IRAK2: variants seen among roughly 807,000 people sequenced by gnomAD.
The protein encoded by IRAK2 is interleukin-1 receptor-associated kinase-like 2.
In IRAK2, 57 loss-of-function variants were observed where a neutral mutation model predicts 72.0. The observed-to-expected ratio is 0.79, with a 90% CI of 0.64 to 0.99. The LOEUF (loss-of-function observed/expected upper bound fraction) is 0.99. Ranked by LOEUF, IRAK2 falls within the 50% of genes least tolerant of loss-of-function variation. IRAK2 has a pLI of 0.00. For synonymous variants in IRAK2, 293 were observed against 312.7 expected (o/e 0.94, Z 0.67); for missense variants, 790 against 794.4 (o/e 0.99, Z 0.07).
intron 2 of IRAK2, among the ~76,000 whole-genome samples, chr3:10,187,414 G>A (rs1047804222): frequency 1.3e-5 from 2 of 152,186 alleles, no homozygotes; most frequent in African/African-American, 2.4e-5. Flanking sequence ...ACAGGAAGGC[G>A]GAATACTGCC....
At chr3:10,167,784 T>C in intron 1 of IRAK2, among the ~76,000 whole-genome samples, 1 of 152,196 alleles carries the variant, frequency 6.6e-6, no homozygotes, top group Non-Finnish European at 1.5e-5. Context: ...TATCAGTTGT[T>C]GGGCATTGGG....
chr3:10,174,229 T>C (rs1696839118), intron 1 of IRAK2, among the ~76,000 whole-genome samples: 1 of 152,204 alleles, frequency 6.6e-6, no homozygotes, highest in Non-Finnish European at 1.5e-5. Context: ...GGGTTTCCAG[T>C]GACTAACATA....
At chr3:10,207,571 T>C (rs1463798608) in intron 3 of IRAK2, among the ~76,000 whole-genome samples, 7 of 152,028 alleles carry the variant, frequency 4.6e-5, no homozygotes. Flanking sequence ...GCCTCATTAG[T>C]CTTCAGATTA....
In IRAK2 at chr3:10,226,376, G is replaced by C. The variant is rs1166046823; in HGVS notation, c.1215G>C (p.Leu405Phe). 1 of 1,613,438 alleles carries C rather than the reference G, an allele frequency of 6.2e-7. No individual in the cohort carries two copies. The change falls in exon 10 of 13, where the codon TTG becomes TTC. Residue 405 changes from leucine (L) to phenylalanine (F), a missense_variant. Coordinates refer to ENST00000256458, the MANE Select transcript of IRAK2 (RefSeq NM_001570.4). The part of the protein sequence containing the change: ...RVDIFSCGIV[L>F]AEVLTGIPAM... Reference sequence around the variant, plus strand: ...TCACGTTCTGTTCTCTCCAGGTGTTGGCCGAGGTCCTCACGGGCATCCCTG... The same window carrying C: ...TCACGTTCTGTTCTCTCCAGGTGTTCGCCGAGGTCCTCACGGGCATCCCTG...
rs1048809755 is a variant in IRAK2 at position 10,216,085 on chromosome 3, A to T, written c.789-849A>T. On this transcript the variant is annotated intron_variant, in intron 6 of 12. Coordinates refer to ENST00000256458, the MANE Select transcript of IRAK2 (RefSeq NM_001570.4). ...GATAAGGCAGGAGGCCATTTACAGCAGTCTTGGGGAGGCTGAATCAGAGCC... is the reference window on the plus strand; with the variant it reads ...GATAAGGCAGGAGGCCATTTACAGCTGTCTTGGGGAGGCTGAATCAGAGCC... Among the ~76,000 whole-genome samples the T allele has an allele frequency of 3.9e-5, 6 of 152,316 alleles. No individual in the cohort carries two copies. In the East Asian group the frequency reaches 1.2e-3, roughly 29 times the overall value.
At chr3:10,173,520 A>T (rs1182459479) in intron 1 of IRAK2, among the ~76,000 whole-genome samples, 1 of 151,968 alleles carries the variant, frequency 6.6e-6, no homozygotes, top group South Asian at 2.1e-4. Flanking sequence ...TCATGTCCCG[A>T]CTCTAAAGGG....
Position 10,219,743 on chromosome 3 carries a change from G to T in IRAK2, c.967G>T (p.Val323Phe). The T allele has an allele frequency of 1.9e-6, 3 of 1,613,800 alleles. No homozygotes were observed. The highest frequency in any genetic ancestry group is 2.5e-6 in the Non-Finnish European group (3 of 1,179,884). The stretch of plus-strand genomic sequence containing the variant: ...CATCTGCTCAGGGCTGCTCTGTGCC[G>T]TCGAGTACCTGCATGGTCTGGAGAT... ...VSICSGLLCAVEYLHGLEIIH... is the reference protein window; with the variant it reads ...VSICSGLLCAFEYLHGLEIIH... Residue 323 changes from valine (V) to phenylalanine (F), a missense_variant, in exon 8 of 13, where the codon GTC becomes TTC. Coordinates refer to ENST00000256458, the MANE Select transcript of IRAK2 (RefSeq NM_001570.4).
intron 1 of IRAK2, among the ~76,000 whole-genome samples, chr3:10,176,587 C>T (rs1306440878): frequency 6.6e-6 from 1 of 151,558 alleles, no homozygotes; most frequent in Non-Finnish European, 1.5e-5. Flanking sequence ...ATGACATTCT[C>T]CTGCCTCAGC....
chr3:10,218,262 A>G lies in IRAK2; in HGVS notation c.903+1214A>G, dbSNP rs9816717. ...AATATGGTGAAACCCTGTCTCTACT[A>G]AAAATATAAGAATTAGCCAGGCGTG... is the stretch of plus-strand genomic sequence containing the variant. On this transcript the variant is annotated intron_variant, in intron 7 of 12. Transcript: ENST00000256458. 5.2e-3 allele frequency among the ~76,000 whole-genome samples: 789 copies of G among 152,190 alleles called. 8 individuals are homozygous for G. The highest frequency in any genetic ancestry group is 0.018 in the African/African-American group (731 of 41,520).
intron 2 of IRAK2, among the ~76,000 whole-genome samples, chr3:10,178,873 G>C (rs956320783): frequency 1.3e-5 from 2 of 152,174 alleles, no homozygotes; most frequent in Non-Finnish European, 2.9e-5. Context: ...TGTGATCAAA[G>C]CTCACTGCAG....
At chr3:10,227,675 G>GTTTTT (rs561705376) in intron 10 of IRAK2, among the ~76,000 whole-genome samples, 72 of 147,486 alleles carry the variant, frequency 4.9e-4, no homozygotes, top group Admixed American at 1.7e-3. Flanking sequence ...TTTTTTTTTT[G>GTTTTT]TTTTTGTTTT....
chr3:10,237,796 ACT>A (rs1225988679), intron 11 of IRAK2, among the ~76,000 whole-genome samples: 7 of 140,064 alleles, frequency 5.0e-5, no homozygotes, highest in Non-Finnish European at 1.1e-4. Context: ...AAAGAGCGAG[ACT>A]CTGTCTCAAA....
chr3:10,198,969 G>A (rs1160818540), intron 2 of IRAK2, among the ~76,000 whole-genome samples: 1 of 152,164 alleles, frequency 6.6e-6, no homozygotes, highest in African/African-American at 2.4e-5. Flanking sequence ...CAGGGCTATA[G>A]CATCAGGTTT....
At chr3:10,172,922 G>C (rs535526213) in intron 1 of IRAK2, among the ~76,000 whole-genome samples, 1 of 147,620 alleles carries the variant, frequency 6.8e-6, no homozygotes, top group Admixed American at 6.9e-5. Flanking sequence ...CTCGTTATCC[G>C]CTTGCCTTGG....
At chr3:10,167,233 C>G (rs1320620261) in intron 1 of IRAK2, among the ~76,000 whole-genome samples, 1 of 152,092 alleles carries the variant, frequency 6.6e-6, no homozygotes, top group Admixed American at 6.6e-5. Flanking sequence ...ATTTTAATCA[C>G]CCGAAGAAGA....
At chr3:10,218,800 C>A (rs1056221026) in intron 7 of IRAK2, among the ~76,000 whole-genome samples, 1 of 152,152 alleles carries the variant, frequency 6.6e-6, no homozygotes, top group Non-Finnish European at 1.5e-5. Flanking sequence ...CCATTTTATA[C>A]CCAAGGAAAC....
At chr3:10,209,351 C>T (rs370899068) in intron 3 of IRAK2, among the ~76,000 whole-genome samples, 75 of 152,306 alleles carry the variant, frequency 4.9e-4, no homozygotes, top group Admixed American at 2.0e-3. Flanking sequence ...CCGGTGTCTC[C>T]GTGTCTCCAC....
At chr3:10,165,949 G>T (rs572649351) in intron 1 of IRAK2, among the ~76,000 whole-genome samples, 3 of 151,884 alleles carry the variant, frequency 2.0e-5, no homozygotes, top group Non-Finnish European at 4.4e-5. Flanking sequence ...AGGATGGTCT[G>T]GATCTCCTGA....
intron 6 of IRAK2, among the ~76,000 whole-genome samples, chr3:10,215,098 A>C (rs765609913): frequency 6.0e-5 from 9 of 149,348 alleles, no homozygotes; most frequent in Admixed American, 4.7e-4. Context: ...TCTCAAAAAT[A>C]AATAAAGGCC....
Sources: gnomAD v4.1 joint callset for allele counts (sites outside exome capture counted in the v4.1 genomes callset) on GRCh38, gnomAD v4.1.1 for gene constraint, MANE v1.5 for transcripts, NCBI Gene and HGNC (gene_info 2026-07-23, HGNC 2026-07-21) for gene names.